Variants in NKAIN3 observed in about 807,000 individuals in gnomAD.
NKAIN3 encodes the protein sodium/potassium transporting ATPase interacting 3, also known as sodium/potassium-transporting ATPase subunit beta-1-interacting protein 3.
In NKAIN3, 25 loss-of-function variants were observed where a neutral mutation model predicts 30.2. That is an observed-to-expected ratio of 0.83 (90% confidence interval 0.60 to 1.16). The LOEUF (loss-of-function observed/expected upper bound fraction) is 1.16, where lower values mean the gene tolerates loss of function less well. NKAIN3 is among the 50% of genes most tolerant of loss of function. The probability of loss-of-function intolerance (pLI) is 0.00; values close to 1 mark genes in which losing one functional copy is unlikely to be tolerated. For missense variants in NKAIN3, 225 were observed against 254.1 expected, an observed-to-expected ratio of 0.89 and a Z score of 0.78; for synonymous variants, 91 against 89.6, an observed-to-expected ratio of 1.02 and a Z score of -0.09.
At chr8:62,475,002 TATAAA>T in intron 1 of NKAIN3, among the ~76,000 whole-genome samples, 1 of 152,176 alleles carries the variant, frequency 6.6e-6, no homozygotes, top group East Asian at 1.9e-4. Flanking sequence ...GAGCAATGAC[TATAAA>T]ATAATTTTAA....
At chr8:62,675,283 A>G (rs1055217586) in intron 3 of NKAIN3, among the ~76,000 whole-genome samples, 1 of 152,230 alleles carries the variant, frequency 6.6e-6, no homozygotes, top group Non-Finnish European at 1.5e-5. Flanking sequence ...ATTGCCAAAT[A>G]TCACTGATTT....
intron 1 of NKAIN3, among the ~76,000 whole-genome samples, chr8:62,280,912 T>C (rs1813156744): frequency 6.6e-6 from 1 of 152,234 alleles, no homozygotes; most frequent in African/African-American, 2.4e-5. Flanking sequence ...GAGGATTCCC[T>C]CTTTTTCTAT....
At position 62,611,011 on chromosome 8, in the gene NKAIN3, GA is replaced by G. The variant is rs558746086; in HGVS notation, c.273+21220del. Among the ~76,000 whole-genome samples the G allele has an allele frequency of 3.2e-3, 489 of 152,166 alleles. 2 individuals carry two copies. The highest frequency in any genetic ancestry group is 0.01 in the African/African-American group (423 of 41,516). On this transcript the variant is annotated intron_variant, in intron 3 of 6. Coordinates refer to ENST00000623646, the MANE Select transcript of NKAIN3 (RefSeq NM_001304533.3). ...TGATGTACTTCTAATAGATACATCTGAAATTTCAGTGGGGGAAAAAAGCTAA... is the reference window on the plus strand; with the variant it reads ...TGATGTACTTCTAATAGATACATCTGAATTTCAGTGGGGGAAAAAAGCTAA...
At chr8:62,420,569 A>G (rs755866445) in intron 1 of NKAIN3, among the ~76,000 whole-genome samples, 5 of 152,174 alleles carry the variant, frequency 3.3e-5, no homozygotes, top group Non-Finnish European at 7.3e-5. Flanking sequence ...AACAGAAAAT[A>G]TGGAGTTTAT....
chr8:62,808,403 G>C (rs116152108), intron 4 of NKAIN3, among the ~76,000 whole-genome samples: 1 of 152,084 alleles, frequency 6.6e-6, no homozygotes, highest in Non-Finnish European at 1.5e-5. Context: ...TCATCATCTG[G>C]TGTCTATTGT....
chr8:62,888,486 G>A (rs1485421563), intron 4 of NKAIN3, among the ~76,000 whole-genome samples: 1 of 152,122 alleles, frequency 6.6e-6, no homozygotes, highest in Non-Finnish European at 1.5e-5. Context: ...CCCGGTTTAG[G>A]TTTCTGTTCC....
At chr8:62,297,337 T>C (rs1813867885) in intron 1 of NKAIN3, among the ~76,000 whole-genome samples, 2 of 151,996 alleles carry the variant, frequency 1.3e-5, no homozygotes, top group Admixed American at 6.6e-5. Flanking sequence ...CTAATTAAAC[T>C]AAAGAGCTTC....
At chr8:62,448,571 T>C (rs1346434078) in intron 1 of NKAIN3, among the ~76,000 whole-genome samples, 2 of 151,768 alleles carry the variant, frequency 1.3e-5, no homozygotes. Flanking sequence ...ATTGAGATTG[T>C]ACAATACATG....
intron 1 of NKAIN3, among the ~76,000 whole-genome samples, chr8:62,351,514 C>T (rs1324551252): frequency 6.7e-6 from 1 of 149,196 alleles, no homozygotes; most frequent in Non-Finnish European, 1.5e-5. Flanking sequence ...AATAAATATA[C>T]ATATAAATAT....
chr8:62,533,319 A>G (rs953993893), intron 1 of NKAIN3, among the ~76,000 whole-genome samples: 3 of 152,210 alleles, frequency 2.0e-5, no homozygotes, highest in South Asian at 2.1e-4. Flanking sequence ...AACAGTCGAT[A>G]CCTTCTGGGG....
intron 1 of NKAIN3, among the ~76,000 whole-genome samples, chr8:62,380,055 T>C (rs2129593880): frequency 6.6e-6 from 1 of 152,244 alleles, no homozygotes; most frequent in Middle Eastern, 3.4e-3. Context: ...GGTTGTTAAA[T>C]AGTAAAATGG....
At chr8:62,433,424 CTTAAA>C (rs1805077268) in intron 1 of NKAIN3, among the ~76,000 whole-genome samples, 1 of 152,058 alleles carries the variant, frequency 6.6e-6, no homozygotes, top group African/African-American at 2.4e-5. Context: ...GTATCAGTTT[CTTAAA>C]TTAATAGAAA....
intron 4 of NKAIN3, among the ~76,000 whole-genome samples, chr8:62,807,460 G>C (rs1818332552): frequency 6.6e-6 from 1 of 151,112 alleles, no homozygotes; most frequent in African/African-American, 2.4e-5. Flanking sequence ...ACTTTTTGTG[G>C]GACTGATCAA....
At chr8:62,620,434 G>A (rs564778726) in intron 3 of NKAIN3, among the ~76,000 whole-genome samples, 4 of 152,164 alleles carry the variant, frequency 2.6e-5, no homozygotes, top group Admixed American at 6.5e-5. Flanking sequence ...TATGCCATAT[G>A]CCATATTTGG....
chr8:62,528,620 T>A (rs962774749), intron 1 of NKAIN3, among the ~76,000 whole-genome samples: 5 of 151,950 alleles, frequency 3.3e-5, no homozygotes, highest in Admixed American at 2.0e-4. Flanking sequence ...AGGAGGGCAG[T>A]TAGCCTCTGT....
At chr8:62,828,806 G>A (rs746965237) in intron 4 of NKAIN3, among the ~76,000 whole-genome samples, 11 of 152,106 alleles carry the variant, frequency 7.2e-5, no homozygotes, top group Admixed American at 1.3e-4. Context: ...AAGCAGCTCC[G>A]TAGATAATCT....
intron 3 of NKAIN3, among the ~76,000 whole-genome samples, chr8:62,664,347 A>G (rs1489048315): frequency 6.6e-6 from 1 of 152,140 alleles, no homozygotes; most frequent in African/African-American, 2.4e-5. Flanking sequence ...GTTTAGACCC[A>G]CCATCTGAAT....
intron 4 of NKAIN3, among the ~76,000 whole-genome samples, chr8:62,831,719 G>T (rs1235008311): frequency 6.6e-6 from 1 of 152,074 alleles, no homozygotes; most frequent in African/African-American, 2.4e-5. Flanking sequence ...CAAGAAATAT[G>T]GGATTATGTA....
intron 3 of NKAIN3, among the ~76,000 whole-genome samples, chr8:62,602,743 CATA>C (rs1438960823): frequency 6.6e-6 from 1 of 152,106 alleles, no homozygotes; most frequent in African/African-American, 2.4e-5. Context: ...ATCCTGATCT[CATA>C]ATGATGTTGG....
Sources: allele counts gnomAD v4.1 joint callset (sites outside exome capture counted in the v4.1 genomes callset), GRCh38; gene constraint gnomAD v4.1.1; transcripts MANE v1.5; gene names NCBI Gene and HGNC (gene_info 2026-07-23, HGNC 2026-07-21).